The following POLR3B variants were observed in gnomAD, a reference collection of about 807,000 sequenced individuals.
POLR3B encodes DNA-directed RNA polymerase III subunit RPC2.
Under a neutral mutation model 147.4 loss-of-function variants are expected in POLR3B, and 96 were observed. The observed-to-expected ratio is 0.65, with a 90% confidence interval of 0.55 to 0.77. The LOEUF is 0.77. POLR3B is among the 30% of genes least tolerant of loss of function. POLR3B has a pLI of 0.00. For synonymous variants in POLR3B, 461 were observed against 485.9 expected (o/e 0.95, Z 0.67); for missense variants, 1,036 against 1,413.5 (o/e 0.73, Z 4.28).
At chr12:106,477,310 GCTGT>G (rs2038187200) in intron 23 of POLR3B, among the ~76,000 whole-genome samples, 1 of 111,760 alleles carries the variant, frequency 8.9e-6, no homozygotes, top group African/African-American at 5.2e-5. Context: ...AGAGGTTACT[GCTGT>G]CTTTTTGTTT....
chr12:106,360,095 C>A (rs2036447865), intron 1 of POLR3B, among the ~76,000 whole-genome samples: 1 of 152,188 alleles, frequency 6.6e-6, no homozygotes, highest in Non-Finnish European at 1.5e-5. Flanking sequence ...AAACTTCATT[C>A]CCACCGTTTT....
At chr12:106,369,989 A>C (rs1021299327) in intron 6 of POLR3B, among the ~76,000 whole-genome samples, 4 of 152,080 alleles carry the variant, frequency 2.6e-5, no homozygotes, top group Admixed American at 6.6e-5. Flanking sequence ...TTCTTGGTGG[A>C]TAGGTATATT....
intron 23 of POLR3B, among the ~76,000 whole-genome samples, chr12:106,490,894 A>G (rs2038398462): frequency 6.6e-6 from 1 of 152,158 alleles, no homozygotes; most frequent in African/African-American, 2.4e-5. Flanking sequence ...GCAGTAAACT[A>G]TTCCCCAATA....
Position 106,420,126 on chromosome 12 carries a change from T to G in POLR3B, c.1102-7071T>G, listed in dbSNP as rs1040220877. ...CCCATAGACAAGAAACTGTGTGACC[T>G]TAGTGACCTAGACTGAAAGTCACAG... On this transcript the variant is annotated intron_variant, in intron 12 of 27. Coordinates refer to ENST00000228347, the MANE Select transcript of POLR3B (RefSeq NM_018082.6). Among the ~76,000 whole-genome samples, 25 of 152,282 alleles carry G rather than the reference T, an allele frequency of 1.6e-4. No homozygotes were observed. In the South Asian group the frequency reaches 3.7e-3, roughly 23 times the overall value.
At chr12:106,391,663 CAA>C (rs995559395) in intron 9 of POLR3B, among the ~76,000 whole-genome samples, 33 of 152,218 alleles carry the variant, frequency 2.2e-4, no homozygotes, top group African/African-American at 7.7e-4. Context: ...AATGAGAAAA[CAA>C]AGGCGAAGAG....
chr12:106,438,761 C>T (rs1449131362), intron 18 of POLR3B, among the ~76,000 whole-genome samples: 2 of 152,202 alleles, frequency 1.3e-5, no homozygotes, highest in African/African-American at 2.4e-5. Context: ...ATACTTACCT[C>T]TGTTAGAGAT....
intron 19 of POLR3B, among the ~76,000 whole-genome samples, chr12:106,453,449 G>A (rs1008174837): frequency 3.9e-5 from 6 of 152,044 alleles, no homozygotes; most frequent in Admixed American, 3.3e-4. Context: ...ATGGCACTTA[G>A]GTACTTCGGA....
intron 12 of POLR3B, among the ~76,000 whole-genome samples, chr12:106,415,685 T>C (rs542668839): frequency 1.1e-4 from 17 of 152,318 alleles, no homozygotes; most frequent in Non-Finnish European, 2.5e-4. Context: ...TAAACAAATA[T>C]CTTTAATTTT....
intron 18 of POLR3B, 79 bp downstream of exon 18, chr12:106,437,858 G>C: frequency 2.5e-6 from 2 of 801,250 alleles, no homozygotes. Context: ...GTCATCTTCA[G>C]TCCTTCTATC....
At chr12:106,370,585 T>A (rs1210352801) in intron 6 of POLR3B, among the ~76,000 whole-genome samples, 2 of 152,034 alleles carry the variant, frequency 1.3e-5, no homozygotes, top group African/African-American at 4.8e-5. Context: ...AAAATGTTCA[T>A]CTTGGTTTTA....
chr12:106,372,398 C>T (rs1166118119), intron 6 of POLR3B, among the ~76,000 whole-genome samples: 1 of 145,866 alleles, frequency 6.9e-6, no homozygotes, highest in African/African-American at 2.5e-5. Flanking sequence ...AGTACAGTGG[C>T]ATGATCTCAG....
At chr12:106,453,569 TAA>T (rs565054886) in intron 19 of POLR3B, among the ~76,000 whole-genome samples, 153 of 152,140 alleles carry the variant, frequency 1.0e-3, no homozygotes, top group African/African-American at 3.5e-3. Flanking sequence ...TAGGAGAAGT[TAA>T]AGAGGCTCAG....
chr12:106,399,129 T>A (rs2037023921), intron 10 of POLR3B, among the ~76,000 whole-genome samples: 1 of 151,980 alleles, frequency 6.6e-6, no homozygotes, highest in Non-Finnish European at 1.5e-5. Flanking sequence ...TGCAGAGAAG[T>A]CCTTAAAGGA....
intron 18 of POLR3B, among the ~76,000 whole-genome samples, chr12:106,441,009 T>C (rs2037643768): frequency 6.6e-6 from 1 of 152,212 alleles, no homozygotes; most frequent in African/African-American, 2.4e-5. Context: ...GTACAAAGAA[T>C]GAATCCCCTT....
At chr12:106,430,985 T>C (rs913351044) in intron 14 of POLR3B, among the ~76,000 whole-genome samples, 6 of 152,238 alleles carry the variant, frequency 3.9e-5, no homozygotes, top group African/African-American at 1.4e-4. Flanking sequence ...TAGCACCCGC[T>C]ACTCCCTGTG....
chr12:106,365,300 T>C (rs574789541), intron 2 of POLR3B, among the ~76,000 whole-genome samples: 72 of 152,270 alleles, frequency 4.7e-4, no homozygotes, highest in Middle Eastern at 3.4e-3. Flanking sequence ...ATTTGGCTTT[T>C]CTTCTAAAAG....
In POLR3B at chr12:106,482,743, T is replaced by C. The variant is rs367774939; in HGVS notation, c.2714-13312T>C. Among the ~76,000 whole-genome samples the C allele has an allele frequency of 1.4e-4, 22 of 152,200 alleles. 1 individual carries two copies. The highest frequency in any genetic ancestry group is 1.3e-3 in the East Asian group (7 of 5,202). On this transcript the variant is annotated intron_variant, in intron 23 of 27. Transcript: ENST00000228347. ...GATTAGGAAACATGCCCTGCTGATTTACTTAACCCCAAAGCACCCAGCATA... is the reference window on the plus strand; with the variant it reads ...GATTAGGAAACATGCCCTGCTGATTCACTTAACCCCAAAGCACCCAGCATA...
At chr12:106,489,620 A>G (rs2038383229) in intron 23 of POLR3B, among the ~76,000 whole-genome samples, 1 of 152,202 alleles carries the variant, frequency 6.6e-6, no homozygotes, top group Non-Finnish European at 1.5e-5. Flanking sequence ...ATGGTAATTC[A>G]TGTGTGATAG....
At chr12:106,358,021 C>CG (rs2036411989) in intron 1 of POLR3B, 70 bp downstream of exon 1, 2 of 1,586,108 alleles carry the variant, frequency 1.3e-6, no homozygotes, top group African/African-American at 2.7e-5. Flanking sequence ...CCGGAGTGCT[C>CG]GGGCCGCCAA....
Sources: gnomAD v4.1 joint callset for allele counts (sites outside exome capture counted in the v4.1 genomes callset) on GRCh38, gnomAD v4.1.1 for gene constraint, MANE v1.5 for transcripts, NCBI Gene and HGNC (gene_info 2026-07-23, HGNC 2026-07-21) for gene names.